Variants in ADAMTSL1 observed in about 807,000 individuals in gnomAD.
ADAMTSL1 encodes ADAMTS-like protein 1.
Under a neutral mutation model 201.8 loss-of-function variants are expected in ADAMTSL1, and 126 were observed. That is an observed-to-expected ratio of 0.62 (90% CI 0.54 to 0.72). ADAMTSL1 has a LOEUF of 0.72. ADAMTSL1 is among the 30% of genes least tolerant of loss of function. The probability of loss-of-function intolerance (pLI) is 0.00; values close to 1 mark genes in which losing one functional copy is unlikely to be tolerated. For missense variants in ADAMTSL1, 2,679 were observed against 2,277.8 expected, an observed-to-expected ratio of 1.18 and a Z score of -3.59; for synonymous variants, 1,121 against 903.4, an observed-to-expected ratio of 1.24 and a Z score of -4.32.
intron 2 of ADAMTSL1, among the ~76,000 whole-genome samples, chr9:18,387,878 G>A (rs910874142): frequency 3.6e-4 from 54 of 151,862 alleles, no homozygotes; most frequent in Admixed American, 1.2e-3. Context: ...TGTTTTTGAA[G>A]TTTTCCTCTA....
chr9:17,938,095 T>A (rs1321215415), intron 1 of ADAMTSL1, among the ~76,000 whole-genome samples: 1 of 152,172 alleles, frequency 6.6e-6, no homozygotes, highest in African/African-American at 2.4e-5. Flanking sequence ...AAAAATGTTC[T>A]TTGTTAAAGT....
rs141622754 is a variant in ADAMTSL1 at position 18,278,352 on chromosome 9, T to G, written c.207+114371T>G. On this transcript the variant is annotated intron_variant, in intron 2 of 29. Transcript: ENST00000680146. ...ACAGCAGGTCTAGAGGTAATGAACT[T>G]CCACAGCTTTTGTTTGTCTAGGAAA... 1.1e-4 allele frequency among the ~76,000 whole-genome samples: 16 copies of G among 152,294 alleles called. No individual in the cohort carries two copies. In the East Asian group the frequency reaches 3.1e-3, roughly 29 times the overall value.
chr9:18,415,849 A>G (rs949404042), intron 2 of ADAMTSL1, among the ~76,000 whole-genome samples: 1 of 152,124 alleles, frequency 6.6e-6, no homozygotes, highest in African/African-American at 2.4e-5. Context: ...ATATGACAGC[A>G]GATTTCTCCT....
At chr9:17,942,071 T>C (rs1348646703) in intron 1 of ADAMTSL1, among the ~76,000 whole-genome samples, 1 of 152,154 alleles carries the variant, frequency 6.6e-6, no homozygotes, top group Non-Finnish European at 1.5e-5. Context: ...AAATATTATA[T>C]GATTCCATTC....
intron 2 of ADAMTSL1, among the ~76,000 whole-genome samples, chr9:18,289,108 A>G (rs764520125): frequency 9.2e-5 from 14 of 151,896 alleles, no homozygotes; most frequent in Non-Finnish European, 2.1e-4. Context: ...TACCTAATAC[A>G]TATCTTATTG....
chr9:18,528,892 A>G (rs185063497), intron 2 of ADAMTSL1, among the ~76,000 whole-genome samples: 3 of 152,204 alleles, frequency 2.0e-5, no homozygotes, highest in Admixed American at 2.0e-4. Flanking sequence ...TCAAATTTCA[A>G]ATGTTTGTTT....
At chr9:18,805,217 C>T (rs1823033258) in intron 20 of ADAMTSL1, among the ~76,000 whole-genome samples, 1 of 152,204 alleles carries the variant, frequency 6.6e-6, no homozygotes, top group Non-Finnish European at 1.5e-5. Flanking sequence ...CTCTCCGCAT[C>T]TGTCCAGATA....
chr9:18,232,779 C>G (rs1303409160), intron 2 of ADAMTSL1, among the ~76,000 whole-genome samples: 1 of 152,120 alleles, frequency 6.6e-6, no homozygotes, highest in East Asian at 1.9e-4. Context: ...TGTTTTCTGG[C>G]ACCTTTATAT....
At position 18,787,291 on chromosome 9, in the gene ADAMTSL1, A is replaced by T. The variant is rs538881168; in HGVS notation, c.3678-8106A>T. Among the ~76,000 whole-genome samples, 2 of 152,286 alleles carry T rather than the reference A, an allele frequency of 1.3e-5. 1 individual carries two copies. Among genetic ancestry groups the T allele is most frequent in the South Asian group, 4.1e-4 (2 of 4,824 alleles). Reference sequence around the variant, plus strand: ...TAAATACATAAGCCTCACAAAAGAAAAGTATTGAGTGTCAACACAGTGGTC... The same window carrying T: ...TAAATACATAAGCCTCACAAAAGAATAGTATTGAGTGTCAACACAGTGGTC... On this transcript the variant is annotated intron_variant, in intron 19 of 28. Coordinates refer to ENST00000380548, the MANE Select transcript of ADAMTSL1 (RefSeq NM_001040272.6).
At chr9:18,826,249 G>T (rs1395079861) in intron 21 of ADAMTSL1, 35 bp from the exon 22 acceptor site, 1 of 1,542,252 alleles carries the variant, frequency 6.5e-7, no homozygotes, top group East Asian at 2.4e-5. Context: ...TTTGACTGAT[G>T]AGTGGGGTTT....
At chr9:17,917,415 G>GT (rs971534717) in intron 1 of ADAMTSL1, among the ~76,000 whole-genome samples, 6 of 151,940 alleles carry the variant, frequency 3.9e-5, no homozygotes, top group Admixed American at 6.6e-5. Flanking sequence ...TTTGCTGAGT[G>GT]TTTTTATCAG....
chr9:18,338,723 A>C (rs1415283070), intron 2 of ADAMTSL1, among the ~76,000 whole-genome samples: 1 of 152,156 alleles, frequency 6.6e-6, no homozygotes, highest in Non-Finnish European at 1.5e-5. Context: ...TTTGTCACCA[A>C]GGTAATAAAC....
At chr9:18,884,268 T>C (rs1410062155) in intron 23 of ADAMTSL1, among the ~76,000 whole-genome samples, 1 of 152,202 alleles carries the variant, frequency 6.6e-6, no homozygotes, top group Non-Finnish European at 1.5e-5. Flanking sequence ...CTGAACCGGG[T>C]TGTTTGTTAG....
intron 14 of ADAMTSL1, among the ~76,000 whole-genome samples, chr9:18,712,334 A>C (rs1284864690): frequency 6.6e-6 from 1 of 152,112 alleles, no homozygotes; most frequent in African/African-American, 2.4e-5. Context: ...AAAGGCAAAG[A>C]AGTTGAAAAC....
Position 18,807,654 on chromosome 9 carries a change from A to AAAC in ADAMTSL1, c.3806-9453_3806-9452insCAA, listed in dbSNP as rs1554639692. ...GAGCGAGACTCTGTCTCAAAAAAAA[A>AAAC]AAAACAAAAAAAAAACAAAGCATAC... On this transcript the variant is annotated intron_variant, in intron 20 of 28. Transcript: ENST00000380548. Among the ~76,000 whole-genome samples, 368 of 143,586 alleles carry AAAC rather than the reference A, an allele frequency of 2.6e-3. 4 individuals carry two copies. The highest frequency in any genetic ancestry group is 0.022 in the Middle Eastern group (6 of 278). The allele number at this position is 143,586 out of a possible 152,430, so 94.2% of individuals were successfully genotyped here. A position where few individuals can be genotyped will look rare whatever the true frequency, so the allele number is the denominator to read the frequency against.
intron 1 of ADAMTSL1, among the ~76,000 whole-genome samples, chr9:18,122,129 C>T (rs1246214853): frequency 6.6e-6 from 1 of 152,104 alleles, no homozygotes; most frequent in East Asian, 1.9e-4. Context: ...ACATGGAGTC[C>T]ATTTAAACAT....
In ADAMTSL1 at chr9:18,183,341, C is replaced by T. The variant is rs192315305; in HGVS notation, c.207+19360C>T. Among the ~76,000 whole-genome samples, 833 of 152,192 alleles carry T rather than the reference C, an allele frequency of 5.5e-3. 11 individuals are homozygous for T. The highest frequency in any genetic ancestry group is 6.8e-3 in the Middle Eastern group (2 of 294). On this transcript the variant is annotated intron_variant, in intron 2 of 29. Transcript: ENST00000680146. ...TGTAGTGATGATGTTTTATATAGAACACCAAAGGCATGATTCACGAAATAA... is the reference window on the plus strand; with the variant it reads ...TGTAGTGATGATGTTTTATATAGAATACCAAAGGCATGATTCACGAAATAA...
chr9:18,076,676 A>C (rs968395921), intron 1 of ADAMTSL1, among the ~76,000 whole-genome samples: 5 of 152,222 alleles, frequency 3.3e-5, no homozygotes, highest in African/African-American at 1.2e-4. Context: ...AATGTTGGCC[A>C]GTGTGGCAAT....
At chr9:18,854,492 T>C (rs1826718479) in intron 23 of ADAMTSL1, among the ~76,000 whole-genome samples, 1 of 152,146 alleles carries the variant, frequency 6.6e-6, no homozygotes, top group Non-Finnish European at 1.5e-5. Flanking sequence ...ACCAGGTAGT[T>C]GAGGGAGATG....
Sources: allele counts gnomAD v4.1 joint callset (sites outside exome capture counted in the v4.1 genomes callset), GRCh38; gene constraint gnomAD v4.1.1; transcripts MANE v1.5; gene names NCBI Gene and HGNC (gene_info 2026-07-23, HGNC 2026-07-21).